The following ZNF804A variants were observed in gnomAD, a reference collection of about 807,000 sequenced individuals.
ZNF804A encodes the protein zinc finger protein 804A.
Under a neutral mutation model 16.5 loss-of-function variants are expected in ZNF804A, and 2 were observed. The observed-to-expected ratio is 0.12, with a 90% CI of 0.05 to 0.38. The LOEUF is 0.38. Ranked by LOEUF, ZNF804A falls within the 10% of genes least tolerant of loss-of-function variation. The pLI, the probability that ZNF804A is intolerant of heterozygous loss-of-function variation, is 0.99. For synonymous variants in ZNF804A, 534 were observed against 489.6 expected, an observed-to-expected ratio of 1.09 and a Z score of -1.20; for missense variants, 1,473 against 1,390.7, an observed-to-expected ratio of 1.06 and a Z score of -0.94.
At chr2:184,602,159 C>T (rs1691060690) in intron 1 of ZNF804A, among the ~76,000 whole-genome samples, 1 of 151,882 alleles carries the variant, frequency 6.6e-6, no homozygotes, top group Non-Finnish European at 1.5e-5. Flanking sequence ...CAACAACATT[C>T]TTGAAGACTA....
At chr2:184,891,691 C>T (rs546663298) in intron 2 of ZNF804A, among the ~76,000 whole-genome samples, 32 of 152,084 alleles carry the variant, frequency 2.1e-4, no homozygotes, top group Non-Finnish European at 4.3e-4. Context: ...GGTACTGAAA[C>T]TAAATTAATG....
intron 2 of ZNF804A, among the ~76,000 whole-genome samples, chr2:184,926,159 T>A (rs927164324): frequency 1.3e-5 from 2 of 152,120 alleles, no homozygotes; most frequent in African/African-American, 4.8e-5. Flanking sequence ...ACTGAAGCAC[T>A]CCCTTTAACA....
intron 1 of ZNF804A, among the ~76,000 whole-genome samples, chr2:184,599,757 T>A (rs1691016446): frequency 6.6e-6 from 1 of 152,236 alleles, no homozygotes; most frequent in African/African-American, 2.4e-5. Context: ...AGGTTCTCAC[T>A]GGATCACAGA....
intron 2 of ZNF804A, among the ~76,000 whole-genome samples, chr2:184,906,049 T>A (rs1685269430): frequency 6.6e-6 from 1 of 152,170 alleles, no homozygotes; most frequent in Non-Finnish European, 1.5e-5. Flanking sequence ...ACAGTTATGG[T>A]TTTAACTTTT....
In ZNF804A at chr2:184,908,416, G is replaced by A. The variant is rs143094378; in HGVS notation, c.256-25187G>A. ...CCTTTGATTGATTACATACAGCCCA[G>A]CATGTAATCTAAGACAATATTCTTC... On this transcript the variant is annotated intron_variant, in intron 2 of 3. Coordinates refer to ENST00000302277, the MANE Select transcript of ZNF804A (RefSeq NM_194250.2). Among the ~76,000 whole-genome samples the A allele has an allele frequency of 7.1e-3, 1,076 of 152,158 alleles. 12 individuals are homozygous for A. Among genetic ancestry groups the A allele is most frequent in the Admixed American group, 0.014 (213 of 15,260 alleles).
chr2:184,793,100 A>T (rs1336818636), intron 1 of ZNF804A, among the ~76,000 whole-genome samples: 1 of 152,026 alleles, frequency 6.6e-6, no homozygotes, highest in Non-Finnish European at 1.5e-5. Flanking sequence ...AAAGATCATG[A>T]TTCCCTTCTT....
At chr2:184,898,268 A>G (rs1258896634) in intron 2 of ZNF804A, among the ~76,000 whole-genome samples, 1 of 152,128 alleles carries the variant, frequency 6.6e-6, no homozygotes, top group African/African-American at 2.4e-5. Flanking sequence ...ATATTCTCAT[A>G]CTTTGTATAA....
intron 1 of ZNF804A, among the ~76,000 whole-genome samples, chr2:184,812,634 C>A (rs184608322): frequency 6.6e-6 from 1 of 152,076 alleles, no homozygotes; most frequent in African/African-American, 2.4e-5. Context: ...GTATCATTTA[C>A]AATAGGGGTG....
chr2:184,936,238 C>G lies in ZNF804A; in HGVS notation c.842C>G (p.Pro281Arg). The stretch of plus-strand genomic sequence containing the variant: ...GAGAAAACTAACTCTTTTCATCCAC[C>G]AGAGGCAATGTGCAGAGACAAAGAA... ...SEEKTNSFHP[P>R]EAMCRDKETV... The change falls in exon 4 of 4, where the codon CCA (proline) becomes CGA (arginine). Residue 281 changes from proline (P) to arginine (R), a missense_variant. Physicochemically the swap from Pro to Arg is moderately radical, Grantham distance 103. Transcript: ENST00000302277. 6.8e-6 allele frequency: 11 copies of G among 1,613,934 alleles called. No homozygotes were observed. The highest frequency in any genetic ancestry group is 9.3e-6 in the Non-Finnish European group (11 of 1,179,952).
chr2:184,905,698 T>G (rs1685261566), intron 2 of ZNF804A, among the ~76,000 whole-genome samples: 1 of 152,176 alleles, frequency 6.6e-6, no homozygotes, highest in Non-Finnish European at 1.5e-5. Flanking sequence ...ACTCTGTGTT[T>G]ATGAGTACAA....
Position 184,598,936 on chromosome 2 carries a change from G to T in ZNF804A, c.-24G>T, listed in dbSNP as rs758854125. The T allele has an allele frequency of 4.7e-6, 7 of 1,488,952 alleles. No individual in the cohort carries two copies. In the Admixed American group the frequency reaches 1.4e-4, roughly 29 times the overall value. 92.2% of individuals were successfully genotyped at this position (1,488,952 alleles called of 1,614,324 possible). The stretch of plus-strand genomic sequence containing the variant: ...CGGGGTGCGTGGAAGCGGCGGCTGC[G>T]GCGGAGGAGGCGGCGGCTGCCCCAT... On this transcript the variant is annotated 5_prime_UTR_variant, in exon 1 of 4. Coordinates refer to ENST00000302277, the MANE Select transcript of ZNF804A (RefSeq NM_194250.2).
At chr2:184,723,207 T>C (rs977378961) in intron 1 of ZNF804A, among the ~76,000 whole-genome samples, 2 of 151,820 alleles carry the variant, frequency 1.3e-5, no homozygotes, top group Non-Finnish European at 3.0e-5. Context: ...AATATATGCT[T>C]AAAGCAATGA....
At chr2:184,613,891 A>T (rs1411587686) in intron 1 of ZNF804A, among the ~76,000 whole-genome samples, 1 of 152,220 alleles carries the variant, frequency 6.6e-6, no homozygotes, top group African/African-American at 2.4e-5. Context: ...TGCTATCCCC[A>T]TCAAGCTACC....
At chr2:184,917,561 GA>G (rs940367663) in intron 2 of ZNF804A, among the ~76,000 whole-genome samples, 1 of 151,592 alleles carries the variant, frequency 6.6e-6, no homozygotes, top group East Asian at 1.9e-4. Context: ...CAGATATTCT[GA>G]AAAAAAGACC....
intron 2 of ZNF804A, among the ~76,000 whole-genome samples, chr2:184,933,244 T>C (rs1041773215): frequency 6.6e-6 from 1 of 151,994 alleles, no homozygotes; most frequent in Non-Finnish European, 1.5e-5. Flanking sequence ...CAGAAATACA[T>C]AAGCAATAAG....
intron 2 of ZNF804A, among the ~76,000 whole-genome samples, chr2:184,917,194 A>G (rs1468765451): frequency 6.6e-6 from 1 of 152,156 alleles, no homozygotes; most frequent in East Asian, 1.9e-4. Context: ...TGGCACCCAT[A>G]CACATCCCTT....
chr2:184,817,819 C>T (rs773484799), intron 1 of ZNF804A, among the ~76,000 whole-genome samples: 17 of 152,026 alleles, frequency 1.1e-4, no homozygotes, highest in Middle Eastern at 3.4e-3. Context: ...AGCTTGAAGA[C>T]TATCTTTCCG....
rs371573921 is a variant in ZNF804A at position 184,737,375 on chromosome 2, T to C, written c.112-128994T>C. ...TGCGACCGGCTTTACTACTCCTTTT[T>C]AAGCTATTTTTAAAATCATGAAATA... On this transcript the variant is annotated intron_variant, in intron 1 of 3. Transcript: ENST00000302277. Among the ~76,000 whole-genome samples, 20 of 152,190 alleles carry C rather than the reference T, an allele frequency of 1.3e-4. No homozygotes were observed. In the East Asian group the frequency reaches 1.5e-3, roughly 12 times the overall value.
chr2:184,935,820 G>A lies in ZNF804A; in HGVS notation c.424G>A (p.Val142Ile). 6.2e-7 allele frequency: 1 copy of A among 1,612,404 alleles called. No homozygotes were observed. The highest frequency in any genetic ancestry group is 8.5e-7 in the Non-Finnish European group (1 of 1,179,206). ...GSGPMFKSTT[V>I]TVRENCNEIS... is the part of the protein sequence containing the mutation. The stretch of plus-strand genomic sequence containing the variant: ...TGGCCCCATGTTCAAATCAACAACT[G>A]TTACTGTGAGAGAAAACTGTAATGA... Residue 142 changes from valine to isoleucine, a missense_variant, in exon 4 of 4, where the codon GTT becomes ATT. Physicochemically the swap from Val to Ile is conservative, Grantham distance 29. Transcript: ENST00000302277.
Sources: allele counts gnomAD v4.1 joint callset (sites outside exome capture counted in the v4.1 genomes callset), GRCh38; gene constraint gnomAD v4.1.1; transcripts MANE v1.5; gene names NCBI Gene and HGNC (gene_info 2026-07-23, HGNC 2026-07-21).